Variants in EPB41L5 observed in about 807,000 individuals in gnomAD.
EPB41L5 encodes the protein erythrocyte membrane protein band 4.1 like 5.
EPB41L5 carries 55 observed loss-of-function variants against 106.6 expected under a neutral mutation model. The observed-to-expected ratio is 0.52, with a 90% CI of 0.42 to 0.65. EPB41L5 has a LOEUF of 0.65. EPB41L5 is among the 30% of genes least tolerant of loss of function. EPB41L5 has a pLI of 0.00. For missense variants in EPB41L5, 871 were observed against 882.1 expected (o/e 0.99, Z 0.16); for synonymous variants, 297 against 306.7 (o/e 0.97, Z 0.33).
chr2:120,145,580 G>GT (rs1686361372), intron 19 of EPB41L5, among the ~76,000 whole-genome samples: 1 of 152,108 alleles, frequency 6.6e-6, no homozygotes, highest in Admixed American at 6.5e-5. Context: ...TAGTAGAAAT[G>GT]TTACATGATG....
At chr2:120,047,359 C>T (rs1229323726) in intron 3 of EPB41L5, among the ~76,000 whole-genome samples, 2 of 151,998 alleles carry the variant, frequency 1.3e-5, no homozygotes, top group African/African-American at 4.8e-5. Flanking sequence ...TGTAGTTCTC[C>T]TTGAAGAGGT....
At chr2:120,033,352 A>G (rs964395438) in intron 2 of EPB41L5, among the ~76,000 whole-genome samples, 1 of 152,140 alleles carries the variant, frequency 6.6e-6, no homozygotes, top group Admixed American at 6.5e-5. Flanking sequence ...CTATCTCTAA[A>G]AGTAAGATGT....
At chr2:120,167,560 C>T in intron 23 of EPB41L5, 53 bp downstream of exon 23, 1 of 1,534,468 alleles carries the variant, frequency 6.5e-7, no homozygotes, top group African/African-American at 1.4e-5. Context: ...CAGGGTAAGG[C>T]CTAAAGGATT....
chr2:120,130,790 C>T (rs1190720993), intron 17 of EPB41L5, among the ~76,000 whole-genome samples: 1 of 152,202 alleles, frequency 6.6e-6, no homozygotes, highest in Admixed American at 6.5e-5. Flanking sequence ...TATCCGGGGC[C>T]TCCACTCAGT....
At chr2:120,015,947 A>G (rs1035224081) in intron 1 of EPB41L5, among the ~76,000 whole-genome samples, 3 of 151,610 alleles carry the variant, frequency 2.0e-5, no homozygotes, top group East Asian at 3.9e-4. Flanking sequence ...AAACAACTGT[A>G]TTGTATGCTG....
chr2:120,123,400 C>G (rs1685315923), intron 16 of EPB41L5, among the ~76,000 whole-genome samples: 1 of 692 alleles, frequency 1.4e-3, no homozygotes, highest in African/African-American at 1.9e-3. Context: ...AGGAGTTGAT[C>G]ACTTGTTTTA....
At chr2:120,167,645 C>T (rs1371709001) in intron 23 of EPB41L5, 138 bp downstream of exon 23, 6 of 1,056,042 alleles carry the variant, frequency 5.7e-6, no homozygotes, top group Middle Eastern at 2.2e-4. Context: ...AACTTAATGG[C>T]TTCAAGCTAG....
intron 14 of EPB41L5, among the ~76,000 whole-genome samples, chr2:120,094,291 C>T (rs1367035188): frequency 3.3e-5 from 5 of 152,032 alleles, no homozygotes; most frequent in Non-Finnish European, 2.9e-5. Flanking sequence ...CAGGCCCTCC[C>T]GGATTCTCTT....
At chr2:120,169,900 A>G (rs185825611) in intron 24 of EPB41L5, among the ~76,000 whole-genome samples, 7 of 152,316 alleles carry the variant, frequency 4.6e-5, no homozygotes, top group African/African-American at 1.7e-4. Flanking sequence ...TGAAAGACAC[A>G]TAGTACCAAG....
chr2:120,102,833 G>A (rs555027926), intron 16 of EPB41L5, among the ~76,000 whole-genome samples: 1 of 152,286 alleles, frequency 6.6e-6, no homozygotes, highest in South Asian at 2.1e-4. Context: ...AACAATTCAT[G>A]TATTGTAAAC....
intron 1 of EPB41L5, among the ~76,000 whole-genome samples, chr2:120,018,112 T>C (rs1301313988): frequency 2.0e-5 from 3 of 151,494 alleles, no homozygotes; most frequent in East Asian, 3.9e-4. Context: ...AGGCGCCTGC[T>C]ACCACGCCCG....
intron 24 of EPB41L5, among the ~76,000 whole-genome samples, chr2:120,168,296 G>A (rs1258213463): frequency 3.3e-5 from 5 of 152,044 alleles, no homozygotes; most frequent in African/African-American, 9.7e-5. Flanking sequence ...TTCCCTTTAC[G>A]CTTTACTATT....
At chr2:120,102,392 G>GTGA (rs1684197402) in intron 16 of EPB41L5, among the ~76,000 whole-genome samples, 1 of 152,136 alleles carries the variant, frequency 6.6e-6, no homozygotes, top group Non-Finnish European at 1.5e-5. Context: ...ATAGAGTAAA[G>GTGA]TGATGCTCTT....
chr2:120,170,149 A>T (rs1455271563), intron 24 of EPB41L5, among the ~76,000 whole-genome samples: 2 of 152,230 alleles, frequency 1.3e-5, no homozygotes, highest in African/African-American at 2.4e-5. Flanking sequence ...TGACTAGATA[A>T]ATATTAGAAA....
intron 16 of EPB41L5, among the ~76,000 whole-genome samples, chr2:120,123,269 C>T (rs551419109): frequency 6.6e-6 from 1 of 152,116 alleles, no homozygotes. Context: ...CTGTTGTTCA[C>T]CGCCTCCTCA....
At chr2:120,113,681 A>C (rs760939389) in intron 16 of EPB41L5, among the ~76,000 whole-genome samples, 1 of 152,312 alleles carries the variant, frequency 6.6e-6, no homozygotes, top group African/African-American at 2.4e-5. Context: ...ATTCCTTCCT[A>C]CTAGCCCCTG....
intron 16 of EPB41L5, chr2:120,105,902 T>C (rs1325095278): frequency 2.0e-6 from 2 of 984,966 alleles, no homozygotes; most frequent in Non-Finnish European, 2.4e-6. Flanking sequence ...GTTTCATGGG[T>C]ATGTATATCA....
intron 16 of EPB41L5, among the ~76,000 whole-genome samples, chr2:120,117,371 A>G (rs1684995047): frequency 1.3e-5 from 2 of 152,358 alleles, no homozygotes; most frequent in South Asian, 4.1e-4. Context: ...CTTTTTAGAC[A>G]GAGTATATAG....
chr2:120,072,839 G>A (rs1000442580), intron 3 of EPB41L5, among the ~76,000 whole-genome samples: 1 of 151,890 alleles, frequency 6.6e-6, no homozygotes, highest in African/African-American at 2.4e-5. Flanking sequence ...TAGATGATGT[G>A]TTGATGGGTG....
Sources: allele counts gnomAD v4.1 joint callset (sites outside exome capture counted in the v4.1 genomes callset), GRCh38; gene constraint gnomAD v4.1.1; transcripts MANE v1.5; gene names NCBI Gene and HGNC (gene_info 2026-07-23, HGNC 2026-07-21).